EPHA6: variants seen among roughly 807,000 people sequenced by gnomAD.
EPHA6 encodes the protein EPH receptor A6.
A neutral mutation model predicts 112.0 loss-of-function variants in EPHA6; 50 were observed. The observed-to-expected ratio is 0.45, with a 90% CI of 0.36 to 0.56. The LOEUF (loss-of-function observed/expected upper bound fraction) is 0.56. Ranked by LOEUF, EPHA6 falls within the 20% of genes least tolerant of loss-of-function variation. The pLI is 0.00. For missense variants in EPHA6, 1,280 were observed against 1,417.4 expected, an observed-to-expected ratio of 0.90 and a Z score of 1.56; for synonymous variants, 529 against 490.7, an observed-to-expected ratio of 1.08 and a Z score of -1.03.
chr3:97,152,935 T>C (rs1040619655), intron 3 of EPHA6, among the ~76,000 whole-genome samples: 28 of 152,122 alleles, frequency 1.8e-4, no homozygotes, highest in African/African-American at 6.5e-4. Flanking sequence ...CATCATGCTA[T>C]CATGATGCTT....
At chr3:97,559,532 G>A in intron 11 of EPHA6, 1 of 421,324 alleles carries the variant, frequency 2.4e-6, no homozygotes, top group East Asian at 7.7e-5. Flanking sequence ...GTGACTGAGT[G>A]GAGGAATTTC....
rs1410567080 is a variant in EPHA6, at chr3:97,638,098, C to T, written c.2784+16C>T. On this transcript the variant is annotated intron_variant, in intron 14 of 17. Coordinates refer to ENST00000389672, the MANE Select transcript of EPHA6 (RefSeq NM_001080448.3). ...TACAACAACTGTAAGTTTATATGCC[C>T]TTTCCTAATATAGTCTGTTTACTTT... 6.3e-7 allele frequency: 1 copy of T among 1,575,190 alleles called. No homozygotes were observed.
At chr3:96,970,165 C>A (rs2042260974) in intron 2 of EPHA6, among the ~76,000 whole-genome samples, 1 of 151,610 alleles carries the variant, frequency 6.6e-6, no homozygotes, top group Non-Finnish European at 1.5e-5. Flanking sequence ...TATTACTTCA[C>A]CTGTTCAGTT....
intron 11 of EPHA6, among the ~76,000 whole-genome samples, chr3:97,565,771 C>G (rs2093256305): frequency 6.6e-6 from 1 of 152,100 alleles, no homozygotes. Context: ...GTAATCCCAG[C>G]ACTTTGGGAG....
intron 1 of EPHA6, among the ~76,000 whole-genome samples, chr3:96,857,230 T>C (rs2035751125): frequency 6.6e-6 from 1 of 152,208 alleles, no homozygotes; most frequent in African/African-American, 2.4e-5. Flanking sequence ...TTGCATTTAC[T>C]TTATTGCAGA....
chr3:97,657,104 A>G (rs1179350187), intron 14 of EPHA6, among the ~76,000 whole-genome samples: 1 of 151,928 alleles, frequency 6.6e-6, no homozygotes, highest in Non-Finnish European at 1.5e-5. Flanking sequence ...CTGAATCATT[A>G]CCTTGTTCTT....
chr3:97,609,045 C>A (rs1238142497), intron 12 of EPHA6, among the ~76,000 whole-genome samples: 1 of 151,186 alleles, frequency 6.6e-6, no homozygotes, highest in Admixed American at 6.6e-5. Context: ...TCTTTTTATT[C>A]TAGTAAGACT....
rs116549087 is a variant in EPHA6, at chr3:97,320,443, G to A, written c.1606+76156G>A. On this transcript the variant is annotated intron_variant, in intron 5 of 17. Transcript: ENST00000389672. ...AATACACCAGATGACTAACCTCATGGCAAATCTTTTCTGAATGCTCTGGAG... is the reference window on the plus strand; with the variant it reads ...AATACACCAGATGACTAACCTCATGACAAATCTTTTCTGAATGCTCTGGAG... Among the ~76,000 whole-genome samples, 1,096 of 151,946 alleles carry A rather than the reference G, an allele frequency of 7.2e-3. 30 individuals carry two copies. The highest frequency in any genetic ancestry group is 0.025 in the African/African-American group (1,047 of 41,380).
intron 2 of EPHA6, among the ~76,000 whole-genome samples, chr3:96,975,047 T>G (rs1316461326): frequency 6.6e-6 from 1 of 152,128 alleles, no homozygotes; most frequent in Middle Eastern, 3.2e-3. Context: ...GAGCCTTTAC[T>G]AGGGTTTCTG....
intron 5 of EPHA6, among the ~76,000 whole-genome samples, chr3:97,320,823 T>TA (rs1436490113): frequency 0.048 from 3,876 of 80,764 alleles, 246 homozygotes; most frequent in African/African-American, 0.12. Context: ...GGGCAAAAAA[T>TA]AAAAAAAATA....
chr3:97,030,620 G>A (rs886939010), intron 3 of EPHA6, among the ~76,000 whole-genome samples: 10 of 152,116 alleles, frequency 6.6e-5, no homozygotes, highest in African/African-American at 2.4e-4. Context: ...GAACTTGGGT[G>A]TAGAGATGTG....
At chr3:97,425,453 G>A (rs781122618) in intron 6 of EPHA6, among the ~76,000 whole-genome samples, 5 of 152,230 alleles carry the variant, frequency 3.3e-5, no homozygotes, top group African/African-American at 7.2e-5. Context: ...GCCACAACCC[G>A]AGCTTGTACA....
At chr3:97,165,912 T>C (rs952319070) in intron 3 of EPHA6, among the ~76,000 whole-genome samples, 2 of 152,274 alleles carry the variant, frequency 1.3e-5, no homozygotes, top group East Asian at 3.9e-4. Context: ...ACAAATCAAG[T>C]TTGCAATGCA....
chr3:97,661,248 T>C (rs2094167969), intron 14 of EPHA6, among the ~76,000 whole-genome samples: 1 of 152,016 alleles, frequency 6.6e-6, no homozygotes, highest in Non-Finnish European at 1.5e-5. Context: ...AATTTCAGAG[T>C]GAAAAGAATT....
At chr3:97,027,302 A>G (rs984112979) in intron 3 of EPHA6, among the ~76,000 whole-genome samples, 10 of 152,250 alleles carry the variant, frequency 6.6e-5, no homozygotes, top group African/African-American at 2.4e-4. Context: ...GTGGAGGGTT[A>G]GAGGAGGGAG....
chr3:97,031,714 C>T (rs1465490844), intron 3 of EPHA6, among the ~76,000 whole-genome samples: 1 of 152,100 alleles, frequency 6.6e-6, no homozygotes, highest in Non-Finnish European at 1.5e-5. Flanking sequence ...CATCACTGGC[C>T]ATCAGAGAAA....
At chr3:97,513,685 G>A (rs1295340952) in intron 10 of EPHA6, among the ~76,000 whole-genome samples, 1 of 148,122 alleles carries the variant, frequency 6.8e-6, no homozygotes, top group Non-Finnish European at 1.5e-5. Flanking sequence ...GTGGGGGTGG[G>A]AGTGGGGTAG....
At chr3:97,028,351 A>G (rs965732392) in intron 3 of EPHA6, among the ~76,000 whole-genome samples, 2 of 152,136 alleles carry the variant, frequency 1.3e-5, no homozygotes, top group African/African-American at 4.8e-5. Flanking sequence ...ATGAGACAAT[A>G]TAGATTAAAT....
chr3:97,405,185 G>A lies in EPHA6; in HGVS notation c.1642G>A (p.Ala548Thr), dbSNP rs1385876478. 1 of 1,604,652 alleles carries A rather than the reference G, an allele frequency of 6.2e-7. No individual in the cohort carries two copies. Among genetic ancestry groups the A allele is most frequent in the Non-Finnish European group, 8.5e-7 (1 of 1,174,858 alleles). The change falls in exon 6 of 18, where the codon GCA becomes ACA. Residue 548 changes from alanine to threonine, a missense_variant. Ala to Thr is a moderately conservative substitution (Grantham distance 58). This residue lies in a region of EPHA6 where 878 missense variants were observed against 999.7 expected (regional missense o/e 0.88). Coordinates refer to ENST00000389672, the MANE Select transcript of EPHA6 (RefSeq NM_001080448.3). ...GATAGGTGTGGTAAGGAAGGACTGG[G>A]CATCCCAAAATAGCATTGCCCTATC... is the stretch of plus-strand genomic sequence containing the variant. The part of the protein sequence containing the change: ...SLIGVVRKDW[A>T]SQNSIALSWQ...
Sources: gnomAD v4.1 joint callset for allele counts (sites outside exome capture counted in the v4.1 genomes callset) on GRCh38, gnomAD v4.1.1 for gene constraint, gnomAD v4.1.1 regional missense constraint, MANE v1.5 for transcripts, NCBI Gene and HGNC (gene_info 2026-07-23, HGNC 2026-07-21) for gene names.